The following FOXP1 variants were observed in gnomAD, a reference collection of about 807,000 sequenced individuals.
FOXP1 encodes the protein forkhead box protein P1.
Under a neutral mutation model 98.2 loss-of-function variants are expected in FOXP1, and 15 were observed. The observed-to-expected ratio is 0.15, with a 90% CI of 0.10 to 0.24. The LOEUF (loss-of-function observed/expected upper bound fraction) is 0.24, where lower values mean the gene tolerates loss of function less well. Among genes scored for constraint, FOXP1 ranks in the 10% least tolerant of loss-of-function variants. The pLI is 1.00. For synonymous variants in FOXP1, 371 were observed against 314.5 expected, an observed-to-expected ratio of 1.18 and a Z score of -1.90; for missense variants, 633 against 848.5, an observed-to-expected ratio of 0.75 and a Z score of 3.15.
At chr3:71,227,054 A>C (rs1465300163) in intron 5 of FOXP1, among the ~76,000 whole-genome samples, 1 of 152,114 alleles carries the variant, frequency 6.6e-6, no homozygotes, top group African/African-American at 2.4e-5. Flanking sequence ...CCACATGAGA[A>C]GGCTGGTGCG....
Position 71,581,642 on chromosome 3 carries a change from C to T in FOXP1, c.-391G>A, listed in dbSNP as rs1004878805. 1.0e-6 allele frequency: 1 copy of T among 985,628 alleles called. No homozygotes were observed. Among genetic ancestry groups the T allele is most frequent in the Admixed American group, 6.1e-5 (1 of 16,278 alleles). 61.1% of individuals were successfully genotyped at this position (985,628 alleles called of 1,614,324 possible). On this transcript the variant is annotated 5_prime_UTR_variant, in exon 2 of 21. Transcript: ENST00000649528. Reference sequence around the variant, plus strand: ...GGTCCCCGGCGCCGCTGCCGCTGCCCCCGGCCCGCTCGCTCGCTCGCCGCG... The same window carrying T: ...GGTCCCCGGCGCCGCTGCCGCTGCCTCCGGCCCGCTCGCTCGCTCGCCGCG...
intron 16 of FOXP1, 43 bp downstream of exon 16, chr3:70,977,598 CAT>C (rs768534748): frequency 1.4e-5 from 20 of 1,435,612 alleles, no homozygotes; most frequent in Non-Finnish European, 2.9e-6. Flanking sequence ...TCCATGTACA[CAT>C]ATACCTTCTG....
intron 3 of FOXP1, among the ~76,000 whole-genome samples, chr3:71,406,745 T>C (rs760354457): frequency 2.6e-5 from 4 of 152,172 alleles, no homozygotes; most frequent in African/African-American, 4.8e-5. Flanking sequence ...CTTTGGGTTG[T>C]GTTATTCTGC....
chr3:71,096,278 A>C (rs7611986), intron 7 of FOXP1, among the ~76,000 whole-genome samples: 5,141 of 152,314 alleles, frequency 0.034, 268 homozygotes, highest in African/African-American at 0.12. Context: ...TGGTCTTCAA[A>C]CATGGGTGGG....
intron 7 of FOXP1, among the ~76,000 whole-genome samples, chr3:71,075,632 C>G (rs1054908768): frequency 1.3e-5 from 2 of 152,160 alleles, no homozygotes; most frequent in Non-Finnish European, 2.9e-5. Context: ...CTACATACCC[C>G]AGCCAGTTCA....
chr3:71,086,984 G>T (rs895579571), intron 7 of FOXP1, among the ~76,000 whole-genome samples: 1 of 152,184 alleles, frequency 6.6e-6, no homozygotes, highest in Non-Finnish European at 1.5e-5. Flanking sequence ...TGTGTTCACA[G>T]ATGGAAACTA....
chr3:71,016,706 A>G (rs1296968756), intron 11 of FOXP1, among the ~76,000 whole-genome samples: 1 of 150,102 alleles, frequency 6.7e-6, no homozygotes, highest in Non-Finnish European at 1.5e-5. Flanking sequence ...TACACACAAG[A>G]GGCCTGTATT....
At chr3:71,053,310 C>T (rs2050162249) in intron 8 of FOXP1, among the ~76,000 whole-genome samples, 1 of 152,120 alleles carries the variant, frequency 6.6e-6, no homozygotes, top group Non-Finnish European at 1.5e-5. Flanking sequence ...TCCCAACGTG[C>T]TCCTCATTTT....
rs574125519 is a variant in FOXP1 at position 71,381,612 on chromosome 3, T to G, written c.-167-22368A>C. Among the ~76,000 whole-genome samples the G allele has an allele frequency of 1.1e-4, 17 of 152,054 alleles. 1 individual carries two copies. The South Asian group carries it at 3.1e-3, about 28-fold the overall frequency. ...GGATACAACACCGCTCTCAGCTAAT[T>G]TTTCTATTTTTTGTAGAGACGGAGT... On this transcript the variant is annotated intron_variant, in intron 3 of 20. Coordinates refer to ENST00000649528, the MANE Select transcript of FOXP1 (RefSeq NM_001349338.3).
intron 7 of FOXP1, among the ~76,000 whole-genome samples, chr3:71,055,733 G>GT (rs1414432246): frequency 6.6e-6 from 1 of 152,146 alleles, no homozygotes; most frequent in African/African-American, 2.4e-5. Context: ...TAAAGCCAGC[G>GT]TATCACAATA....
chr3:71,226,747 C>G lies in FOXP1; in HGVS notation c.-11-28355G>C, dbSNP rs182509824. 7.4e-4 allele frequency among the ~76,000 whole-genome samples: 113 copies of G among 152,098 alleles called. 1 individual carries two copies. The highest frequency in any genetic ancestry group is 1.4e-3 in the Non-Finnish European group (92 of 67,986). On this transcript the variant is annotated intron_variant, in intron 5 of 20. Coordinates refer to ENST00000649528, the MANE Select transcript of FOXP1 (RefSeq NM_001349338.3). ...CCTCTCGCAGTCTTGCTCTCCACCT[C>G]CATCTCACATCCTGTCTCGCTGAGT...
intron 18 of FOXP1, chr3:70,971,535 T>TATCA (rs1291692120): frequency 1.9e-5 from 3 of 154,148 alleles, no homozygotes; most frequent in Non-Finnish European, 4.3e-5. Flanking sequence ...TACCTACATT[T>TATCA]ATCAGTGGTC....
rs151011253 is a variant in FOXP1, at chr3:71,015,721, T to TA, written c.870-69dup. 0.056 allele frequency: 63,898 copies of TA among 1,139,850 alleles called. 2,265 individuals are homozygous for TA. Among genetic ancestry groups the TA allele is most frequent in the South Asian group, 0.1 (8,261 of 79,174 alleles). 70.6% of individuals were successfully genotyped at this position (1,139,850 alleles called of 1,614,324 possible). On this transcript the variant is annotated intron_variant, in intron 11 of 20. Coordinates refer to ENST00000649528, the MANE Select transcript of FOXP1 (RefSeq NM_001349338.3). ...CAAGAACCATTCCACCAGACGAGGA[T>TA]AAAAAAGGCAGGAGGAGCCCACATG...
rs202105915 is a variant in FOXP1 at position 70,956,071 on chromosome 3, AT to A, written c.*3175del. 1.7e-4 allele frequency: 38 copies of A among 229,396 alleles called. No individual in the cohort carries two copies. Among genetic ancestry groups the A allele is most frequent in the East Asian group, 3.1e-4 (5 of 16,286 alleles). 14.2% of individuals were successfully genotyped at this position (229,396 alleles called of 1,614,324 possible). ...ATACAGTAGTTTTTTTTCCAAAGCT[AT>A]TTTTTTTTAGTATCGTTAATATAAA... On this transcript the variant is annotated 3_prime_UTR_variant, in exon 21 of 21. Transcript: ENST00000649528.
At chr3:71,509,575 C>G (rs2107301261) in intron 2 of FOXP1, among the ~76,000 whole-genome samples, 1 of 152,184 alleles carries the variant, frequency 6.6e-6, no homozygotes, top group South Asian at 2.1e-4. Context: ...ATAATTCAAC[C>G]CACAACAGCT....
intron 13 of FOXP1, among the ~76,000 whole-genome samples, chr3:71,000,420 C>T (rs2041965010): frequency 6.6e-6 from 1 of 151,922 alleles, no homozygotes; most frequent in African/African-American, 2.4e-5. Context: ...AAGGACAATG[C>T]AAAATGAGAA....
At chr3:71,272,081 G>A (rs780129334) in intron 5 of FOXP1, among the ~76,000 whole-genome samples, 1 of 152,164 alleles carries the variant, frequency 6.6e-6, no homozygotes, top group Non-Finnish European at 1.5e-5. Flanking sequence ...TTAATAGACA[G>A]GTTCTCTACC....
intron 6 of FOXP1, among the ~76,000 whole-genome samples, chr3:71,170,280 G>A (rs1176264166): frequency 6.6e-6 from 1 of 152,106 alleles, no homozygotes; most frequent in Admixed American, 6.5e-5. Context: ...TCACAACAAT[G>A]ACGCTCCCCC....
At chr3:71,118,389 A>G (rs2058527247) in intron 6 of FOXP1, among the ~76,000 whole-genome samples, 1 of 152,246 alleles carries the variant, frequency 6.6e-6, no homozygotes, top group African/African-American at 2.4e-5. Context: ...AGGTAATTCT[A>G]TGTTTAGCAT....
Sources: allele counts gnomAD v4.1 joint callset (sites outside exome capture counted in the v4.1 genomes callset), GRCh38; gene constraint gnomAD v4.1.1; transcripts MANE v1.5; gene names NCBI Gene and HGNC (gene_info 2026-07-23, HGNC 2026-07-21).